Variants in DKK2 observed in about 807,000 individuals in gnomAD.
DKK2 encodes dickkopf-related protein 2.
DKK2 carries 11 observed loss-of-function variants against 28.1 expected under a neutral mutation model. The observed-to-expected ratio is 0.39, with a 90% CI of 0.25 to 0.65. The LOEUF is 0.65. Ranked by LOEUF, DKK2 falls within the 30% of genes least tolerant of loss-of-function variation. The probability of loss-of-function intolerance (pLI) is 0.47; values close to 1 mark genes in which losing one functional copy is unlikely to be tolerated. For synonymous variants in DKK2, 135 were observed against 126.5 expected, an observed-to-expected ratio of 1.07 and a Z score of -0.45; for missense variants, 326 against 335.5, an observed-to-expected ratio of 0.97 and a Z score of 0.22.
At chr4:107,000,733 C>G (rs1723347795) in intron 1 of DKK2, among the ~76,000 whole-genome samples, 1 of 152,062 alleles carries the variant, frequency 6.6e-6, no homozygotes, top group African/African-American at 2.4e-5. Flanking sequence ...AGGCATGATG[C>G]CAGAATCTTT....
At chr4:106,971,110 G>C (rs181960138) in intron 1 of DKK2, among the ~76,000 whole-genome samples, 1 of 152,124 alleles carries the variant, frequency 6.6e-6, no homozygotes, top group African/African-American at 2.4e-5. Flanking sequence ...CTAGCTTTGT[G>C]TTCCCTCTGG....
intron 1 of DKK2, among the ~76,000 whole-genome samples, chr4:107,023,087 A>G (rs1384859079): frequency 3.9e-5 from 6 of 152,160 alleles, no homozygotes; most frequent in Non-Finnish European, 7.4e-5. Context: ...TATAATTGAT[A>G]GCTTATAATC....
chr4:106,949,696 C>T (rs924392422), intron 1 of DKK2, among the ~76,000 whole-genome samples: 1 of 148,704 alleles, frequency 6.7e-6, no homozygotes, highest in African/African-American at 2.6e-5. Flanking sequence ...TTTAAATAGT[C>T]AGTTTTGGGT....
chr4:107,007,043 G>C (rs1397369614), intron 1 of DKK2, among the ~76,000 whole-genome samples: 1 of 151,834 alleles, frequency 6.6e-6, no homozygotes, highest in Non-Finnish European at 1.5e-5. Flanking sequence ...TTTCAAATAG[G>C]ACTGAAAGTC....
At chr4:107,006,460 G>T (rs567475419) in intron 1 of DKK2, among the ~76,000 whole-genome samples, 2 of 152,088 alleles carry the variant, frequency 1.3e-5, no homozygotes, top group African/African-American at 4.8e-5. Context: ...TGGGAAAAAA[G>T]AATACCTTCA....
chr4:106,980,629 A>C (rs1005738499), intron 1 of DKK2, among the ~76,000 whole-genome samples: 41 of 152,306 alleles, frequency 2.7e-4, no homozygotes, highest in African/African-American at 8.9e-4. Context: ...ATGATTTATT[A>C]TGGTTAAATA....
chr4:106,997,352 C>A (rs1288003537), intron 1 of DKK2, among the ~76,000 whole-genome samples: 1 of 152,108 alleles, frequency 6.6e-6, no homozygotes, highest in Non-Finnish European at 1.5e-5. Flanking sequence ...TACTAGACAT[C>A]CTTTCCTGGT....
At chr4:106,957,574 T>A (rs1460690219) in intron 1 of DKK2, among the ~76,000 whole-genome samples, 3 of 151,550 alleles carry the variant, frequency 2.0e-5, no homozygotes, top group Non-Finnish European at 4.4e-5. Context: ...TATGCAGCCA[T>A]AAAAAATGAT....
At chr4:106,948,045 C>T (rs770392032) in intron 1 of DKK2, among the ~76,000 whole-genome samples, 66 of 152,140 alleles carry the variant, frequency 4.3e-4, no homozygotes, top group South Asian at 2.1e-4. Flanking sequence ...TTCCATCACT[C>T]CTAAATAAAA....
rs529526097 is a variant in DKK2, at chr4:106,939,982, G to A, written c.223-14033C>T. ...TTCAAGATGGATTACAGACTTAAAC[G>A]TTAGACCTAAAACCATAAAAACCCT... On this transcript the variant is annotated intron_variant, in intron 1 of 3. Coordinates refer to ENST00000285311, the MANE Select transcript of DKK2 (RefSeq NM_014421.3). 8.6e-4 allele frequency among the ~76,000 whole-genome samples: 131 copies of A among 152,202 alleles called. 3 individuals carry two copies. Among genetic ancestry groups the A allele is most frequent in the African/African-American group, 3.1e-3 (128 of 41,522 alleles).
At chr4:106,928,695 T>A (rs1724458194) in intron 1 of DKK2, among the ~76,000 whole-genome samples, 1 of 152,178 alleles carries the variant, frequency 6.6e-6, no homozygotes, top group Admixed American at 6.5e-5. Flanking sequence ...GCTTACCTTG[T>A]AATAACTTCT....
chr4:107,034,377 A>G (rs1723928538), intron 1 of DKK2, among the ~76,000 whole-genome samples: 1 of 151,694 alleles, frequency 6.6e-6, no homozygotes, highest in Non-Finnish European at 1.5e-5. Flanking sequence ...GCTTCCCACA[A>G]AAGGAGCGGA....
At chr4:107,029,635 A>C (rs2110377501) in intron 1 of DKK2, among the ~76,000 whole-genome samples, 1 of 152,290 alleles carries the variant, frequency 6.6e-6, no homozygotes, top group Non-Finnish European at 1.5e-5. Context: ...AAGAAAGAAC[A>C]ATCTTATTCC....
Position 106,998,374 on chromosome 4 carries a change from T to C in DKK2, c.222+36996A>G, listed in dbSNP as rs149003163. On this transcript the variant is annotated intron_variant, in intron 1 of 3. Transcript: ENST00000285311. ...GTTTCCACATTTCTCTATCAAATTA[T>C]TGCAATCACTTTGGTTACTCAAAGT... is the stretch of plus-strand genomic sequence containing the variant. Among the ~76,000 whole-genome samples the C allele has an allele frequency of 9.2e-5, 14 of 152,286 alleles. No individual in the cohort carries two copies. In the East Asian group the frequency reaches 1.5e-3, roughly 17 times the overall value.
At chr4:107,029,094 T>TA (rs778834122) in intron 1 of DKK2, among the ~76,000 whole-genome samples, 9 of 152,192 alleles carry the variant, frequency 5.9e-5, no homozygotes, top group Non-Finnish European at 1.3e-4. Flanking sequence ...CATGAAGTAC[T>TA]AACATACTTT....
intron 1 of DKK2, among the ~76,000 whole-genome samples, chr4:106,955,106 A>G (rs983756912): frequency 6.6e-6 from 1 of 152,208 alleles, no homozygotes; most frequent in Non-Finnish European, 1.5e-5. Context: ...AATAATGAAC[A>G]AGACATAATG....
chr4:107,016,811 C>G (rs1346732157), intron 1 of DKK2, among the ~76,000 whole-genome samples: 2 of 151,846 alleles, frequency 1.3e-5, no homozygotes, highest in Non-Finnish European at 2.9e-5. Context: ...TGGAGAAAAC[C>G]ATGGGTGCAG....
intron 1 of DKK2, among the ~76,000 whole-genome samples, chr4:107,007,178 A>G (rs1723449768): frequency 6.6e-6 from 1 of 152,072 alleles, no homozygotes; most frequent in Admixed American, 6.6e-5. Flanking sequence ...TATAAAGCAT[A>G]GGTGATTTGT....
intron 1 of DKK2, among the ~76,000 whole-genome samples, chr4:106,935,950 C>A (rs1422923952): frequency 2.6e-5 from 4 of 152,064 alleles, no homozygotes; most frequent in African/African-American, 7.2e-5. Context: ...GACATCCACA[C>A]CAAAAACCCA....
Sources: allele counts gnomAD v4.1 joint callset (sites outside exome capture counted in the v4.1 genomes callset), GRCh38; gene constraint gnomAD v4.1.1; transcripts MANE v1.5; gene names NCBI Gene and HGNC (gene_info 2026-07-23, HGNC 2026-07-21).